Variants in MALRD1 observed in about 807,000 individuals in gnomAD.
MALRD1 encodes MAM and LDL-receptor class A domain-containing protein 1.
A neutral mutation model predicts 242.1 loss-of-function variants in MALRD1; 247 were observed. The ratio of observed to expected loss-of-function variants is 1.02; its 90% CI spans 0.92 to 1.13. The LOEUF is 1.13. Ranked by LOEUF, MALRD1 falls within the 50% of genes most tolerant of loss-of-function variation. MALRD1 has a pLI of 0.00. For synonymous variants in MALRD1, 995 were observed against 866.6 expected (o/e 1.15, Z -2.60); for missense variants, 2,989 against 2,533.1 (o/e 1.18, Z -3.86).
At chr10:19,568,045 C>T (rs1054731142) in intron 33 of MALRD1, among the ~76,000 whole-genome samples, 18 of 152,158 alleles carry the variant, frequency 1.2e-4, no homozygotes, top group Non-Finnish European at 2.6e-4. Flanking sequence ...CTATTATCTT[C>T]CAGACTGTCT....
intron 30 of MALRD1, among the ~76,000 whole-genome samples, chr10:19,496,209 G>T (rs1393918251): frequency 1.3e-5 from 2 of 152,042 alleles, no homozygotes; most frequent in Non-Finnish European, 2.9e-5. Flanking sequence ...CTCAACACTT[G>T]ACCAATGGAC....
At chr10:19,268,661 A>G (rs1840067133) in intron 19 of MALRD1, among the ~76,000 whole-genome samples, 1 of 152,206 alleles carries the variant, frequency 6.6e-6, no homozygotes, top group Admixed American at 6.5e-5. Context: ...CAGTAATCAT[A>G]TGTCTAAAGT....
chr10:19,586,212 T>G (rs1330066314), intron 33 of MALRD1, among the ~76,000 whole-genome samples: 7 of 152,334 alleles, frequency 4.6e-5, no homozygotes, highest in African/African-American at 1.7e-4. Flanking sequence ...GTCTGAAGCC[T>G]TCTTCTCTCA....
intron 14 of MALRD1, among the ~76,000 whole-genome samples, chr10:19,200,660 T>TTTTTGTTTGTTTTTG (rs1235318976): frequency 2.7e-5 from 4 of 147,106 alleles, no homozygotes; most frequent in African/African-American, 1.0e-4. Flanking sequence ...TTTTTTTTTT[T>TTTTTGTTTGTTTTTG]TTTTTTTTTT....
At position 19,665,088 on chromosome 10, in the gene MALRD1, A is replaced by C. The variant is rs181579564; in HGVS notation, c.6138-27194A>C. Among the ~76,000 whole-genome samples the C allele has an allele frequency of 2.0e-5, 3 of 152,276 alleles. No individual in the cohort carries two copies. In the East Asian group the frequency reaches 5.8e-4, roughly 29 times the overall value. On this transcript the variant is annotated intron_variant, in intron 36 of 39. Coordinates refer to ENST00000454679, the MANE Select transcript of MALRD1 (RefSeq NM_001142308.3). Reference sequence around the variant, plus strand: ...AGGGCTCTGCAAATTAGACTGACAAAATATAGATTAACAAGACAAAAAACA... The same window carrying C: ...AGGGCTCTGCAAATTAGACTGACAACATATAGATTAACAAGACAAAAAACA...
intron 18 of MALRD1, among the ~76,000 whole-genome samples, chr10:19,215,949 C>G (rs1367128509): frequency 6.6e-6 from 1 of 151,520 alleles, no homozygotes; most frequent in African/African-American, 2.4e-5. Flanking sequence ...TTTAAGGCCT[C>G]TCATGTATCC....
chr10:19,095,314 A>G (rs1835987195), intron 4 of MALRD1, among the ~76,000 whole-genome samples: 1 of 152,312 alleles, frequency 6.6e-6, no homozygotes, highest in South Asian at 2.1e-4. Flanking sequence ...AGGCTTCAAT[A>G]AACTTAATGA....
intron 28 of MALRD1, among the ~76,000 whole-genome samples, chr10:19,445,793 C>T (rs963244071): frequency 6.6e-5 from 10 of 152,200 alleles, no homozygotes; most frequent in Non-Finnish European, 7.3e-5. Context: ...TCTCAAACTC[C>T]GTGCTGGGAG....
chr10:19,388,837 T>A (rs1031479518), intron 27 of MALRD1, among the ~76,000 whole-genome samples: 23 of 136,668 alleles, frequency 1.7e-4, no homozygotes, highest in Non-Finnish European at 2.9e-4. Context: ...GGATGCTACG[T>A]CATAGGCAAA....
At chr10:19,551,936 A>C (rs1447630650) in intron 32 of MALRD1, among the ~76,000 whole-genome samples, 1 of 152,194 alleles carries the variant, frequency 6.6e-6, no homozygotes, top group Non-Finnish European at 1.5e-5. Context: ...CCTAGGGATG[A>C]AGGCTACTTG....
intron 21 of MALRD1, among the ~76,000 whole-genome samples, chr10:19,322,253 C>A (rs1250494266): frequency 6.6e-6 from 1 of 152,008 alleles, no homozygotes; most frequent in African/African-American, 2.4e-5. Context: ...CTGCGTATCC[C>A]TGTTATACTG....
chr10:19,712,535 A>C (rs1237379825), intron 38 of MALRD1, among the ~76,000 whole-genome samples: 1 of 152,190 alleles, frequency 6.6e-6, no homozygotes, highest in African/African-American at 2.4e-5. Flanking sequence ...AAGGCTGTTA[A>C]GTTTAAATTG....
intron 36 of MALRD1, among the ~76,000 whole-genome samples, chr10:19,668,621 C>T (rs1479264094): frequency 1.3e-5 from 2 of 152,016 alleles, no homozygotes; most frequent in African/African-American, 4.8e-5. Flanking sequence ...ACATTTAATT[C>T]TATTTAATAT....
At chr10:19,072,281 A>T (rs1201211948) in intron 2 of MALRD1, among the ~76,000 whole-genome samples, 1 of 152,150 alleles carries the variant, frequency 6.6e-6, no homozygotes, top group African/African-American at 2.4e-5. Flanking sequence ...TTTTTGGGCC[A>T]TATGGTCCAT....
At chr10:19,256,153 T>C (rs992525533) in intron 18 of MALRD1, among the ~76,000 whole-genome samples, 7 of 152,040 alleles carry the variant, frequency 4.6e-5, no homozygotes, top group African/African-American at 1.4e-4. Flanking sequence ...GCCAAGTCAA[T>C]AGTATTTATT....
chr10:19,297,818 C>G (rs1841777075), intron 21 of MALRD1, among the ~76,000 whole-genome samples: 1 of 151,540 alleles, frequency 6.6e-6, no homozygotes, highest in African/African-American at 2.4e-5. Context: ...AGAGAGGCTT[C>G]ATATCCAGAA....
chr10:19,524,331 G>A (rs1834001610), intron 31 of MALRD1, among the ~76,000 whole-genome samples: 1 of 152,032 alleles, frequency 6.6e-6, no homozygotes, highest in African/African-American at 2.4e-5. Context: ...CAAAAAATTA[G>A]CTGGGCGTGG....
intron 14 of MALRD1, among the ~76,000 whole-genome samples, chr10:19,188,400 A>G (rs74887732): frequency 0.015 from 2,216 of 152,300 alleles, 45 homozygotes; most frequent in African/African-American, 0.051. Context: ...TTTTCAAGAA[A>G]TAGGATAATT....
intron 26 of MALRD1, among the ~76,000 whole-genome samples, chr10:19,373,277 C>T (rs1306668966): frequency 2.5e-5 from 3 of 120,474 alleles, no homozygotes; most frequent in African/African-American, 1.0e-4. Flanking sequence ...GGAGGGCGGA[C>T]GGATCACGAG....
Sources: gnomAD v4.1 joint callset for allele counts (sites outside exome capture counted in the v4.1 genomes callset) on GRCh38, gnomAD v4.1.1 for gene constraint, MANE v1.5 for transcripts, NCBI Gene and HGNC (gene_info 2026-07-23, HGNC 2026-07-21) for gene names.